LDAH: variants seen among roughly 807,000 people sequenced by gnomAD.
LDAH encodes the protein lipid droplet associated hydrolase, also known as lipid droplet-associated hydrolase.
In LDAH, 26 loss-of-function variants were observed where a neutral mutation model predicts 29.6. The ratio of observed to expected loss-of-function variants is 0.88; its 90% CI spans 0.64 to 1.22. LDAH has a LOEUF of 1.22. Ranked by LOEUF, LDAH falls within the 50% of genes most tolerant of loss-of-function variation. The pLI is 0.00. For missense variants in LDAH, 344 were observed against 387.3 expected (o/e 0.89, Z 0.94); for synonymous variants, 117 against 133.0 (o/e 0.88, Z 0.83).
chr2:20,745,966 G>A (rs920090478), intron 4 of LDAH, among the ~76,000 whole-genome samples: 1 of 152,108 alleles, frequency 6.6e-6, no homozygotes, highest in African/African-American at 2.4e-5. Context: ...TGAGCTAAGA[G>A]ATGCTTGGAA....
chr2:20,801,210 C>T (rs1190233924), intron 2 of LDAH, 100 bp downstream of exon 2: 1 of 1,283,152 alleles, frequency 7.8e-7, no homozygotes, highest in Non-Finnish European at 1.1e-6. Flanking sequence ...TTAATTCCTT[C>T]TCCAAGGTTT....
intron 4 of LDAH, among the ~76,000 whole-genome samples, chr2:20,757,344 A>C (rs138733067): frequency 6.6e-6 from 1 of 152,336 alleles, no homozygotes; most frequent in East Asian, 1.9e-4. Context: ...ATACCCTAGA[A>C]GTAACGATGA....
chr2:20,781,660 A>C (rs1558472951), intron 3 of LDAH, among the ~76,000 whole-genome samples: 1 of 152,212 alleles, frequency 6.6e-6, no homozygotes, highest in South Asian at 2.1e-4. Context: ...AGAACTTTTG[A>C]GCTACTCAGA....
chr2:20,789,260 G>A (rs1291930025), intron 3 of LDAH: 31 of 1,550,404 alleles, frequency 2.0e-5, no homozygotes, highest in Non-Finnish European at 2.4e-5. Context: ...GGATCAGATG[G>A]GGTCATGAGG....
chr2:20,787,438 C>T (rs1159191597), intron 3 of LDAH, among the ~76,000 whole-genome samples: 1 of 152,148 alleles, frequency 6.6e-6, no homozygotes, highest in Non-Finnish European at 1.5e-5. Context: ...GGATTACAGG[C>T]AAGCACCACC....
chr2:20,691,719 A>G (rs895699053), intron 6 of LDAH, among the ~76,000 whole-genome samples: 6 of 152,254 alleles, frequency 3.9e-5, no homozygotes, highest in Admixed American at 2.6e-4. Context: ...TTATTGAGAT[A>G]GAAATTTTTC....
At chr2:20,742,703 G>A (rs1667266399) in intron 4 of LDAH, among the ~76,000 whole-genome samples, 1 of 151,582 alleles carries the variant, frequency 6.6e-6, no homozygotes, top group Non-Finnish European at 1.5e-5. Context: ...TTTAAAGTGG[G>A]GTTCTTGTAA....
intron 5 of LDAH, among the ~76,000 whole-genome samples, chr2:20,710,205 G>T (rs537233827): frequency 2.9e-4 from 44 of 152,162 alleles, no homozygotes; most frequent in African/African-American, 8.2e-4. Context: ...AATGTGAGAA[G>T]ACAAAAGATA....
chr2:20,688,826 T>A (rs1368776599), intron 6 of LDAH, among the ~76,000 whole-genome samples: 2 of 115,840 alleles, frequency 1.7e-5, no homozygotes, highest in Non-Finnish European at 3.5e-5. Flanking sequence ...CATGGAGGTT[T>A]CCTTTTTTTT....
chr2:20,755,056 T>G (rs1046113348), intron 4 of LDAH, among the ~76,000 whole-genome samples: 4 of 152,254 alleles, frequency 2.6e-5, no homozygotes, highest in South Asian at 2.1e-4. Flanking sequence ...TAAGGAGGTC[T>G]TTAGGGATAA....
intron 4 of LDAH, among the ~76,000 whole-genome samples, chr2:20,743,566 C>T (rs1572527320): frequency 1.3e-5 from 2 of 152,180 alleles, no homozygotes; most frequent in East Asian, 1.9e-4. Flanking sequence ...CATACAAAAT[C>T]GAAAGCACTG....
chr2:20,775,002 G>A (rs149869985), intron 3 of LDAH, 23 bp from the exon 4 acceptor site: 16 of 1,566,198 alleles, frequency 1.0e-5, no homozygotes, highest in East Asian at 9.1e-5. Flanking sequence ...ATATGAGCAC[G>A]TTTTCATTAA....
At chr2:20,729,605 T>C (rs1381966612) in intron 5 of LDAH, among the ~76,000 whole-genome samples, 2 of 152,188 alleles carry the variant, frequency 1.3e-5, no homozygotes, top group African/African-American at 2.4e-5. Context: ...GGAACACCTA[T>C]CCCAGGGAGG....
chr2:20,710,566 C>T (rs1003450668), intron 5 of LDAH, among the ~76,000 whole-genome samples: 4 of 146,136 alleles, frequency 2.7e-5, no homozygotes, highest in African/African-American at 5.1e-5. Context: ...TGACTCACCC[C>T]GGACTATATA....
At chr2:20,692,652 A>G (rs972239960) in intron 6 of LDAH, among the ~76,000 whole-genome samples, 8 of 152,234 alleles carry the variant, frequency 5.3e-5, no homozygotes, top group Non-Finnish European at 1.2e-4. Flanking sequence ...TGAATTTTAG[A>G]AGCTCTTTAA....
intron 5 of LDAH, among the ~76,000 whole-genome samples, chr2:20,713,074 A>G (rs1468771319): frequency 6.6e-6 from 1 of 152,208 alleles, no homozygotes; most frequent in Non-Finnish European, 1.5e-5. Flanking sequence ...AGCAACCCCA[A>G]GACACATAAT....
At chr2:20,750,289 G>C (rs1667885641) in intron 4 of LDAH, among the ~76,000 whole-genome samples, 1 of 152,130 alleles carries the variant, frequency 6.6e-6, no homozygotes, top group African/African-American at 2.4e-5. Flanking sequence ...GCCTCCCAAA[G>C]TGTTGGGATT....
chr2:20,757,256 T>C (rs1483667404), intron 4 of LDAH, among the ~76,000 whole-genome samples: 1 of 152,094 alleles, frequency 6.6e-6, no homozygotes, highest in African/African-American at 2.4e-5. Context: ...TCTTGTGAGC[T>C]TGAAGGAAAA....
intron 3 of LDAH, among the ~76,000 whole-genome samples, chr2:20,783,240 G>A (rs1670327446): frequency 6.6e-6 from 1 of 152,158 alleles, no homozygotes; most frequent in Non-Finnish European, 1.5e-5. Context: ...GGCCCGGAAT[G>A]TAGTCTATCT....
Sources: allele counts gnomAD v4.1 joint callset (sites outside exome capture counted in the v4.1 genomes callset), GRCh38; gene constraint gnomAD v4.1.1; transcripts MANE v1.5; gene names NCBI Gene and HGNC (gene_info 2026-07-23, HGNC 2026-07-21).